The following HSPG2 variants were observed in gnomAD, a reference collection of about 807,000 sequenced individuals.
HSPG2 encodes heparan sulfate proteoglycan 2.
Under a neutral mutation model 526.6 loss-of-function variants are expected in HSPG2, and 278 were observed. That is an observed-to-expected ratio of 0.53 (90% confidence interval 0.48 to 0.58). The LOEUF (loss-of-function observed/expected upper bound fraction) is 0.58, where lower values mean the gene tolerates loss of function less well. Ranked by LOEUF, HSPG2 falls within the 20% of genes least tolerant of loss-of-function variation. HSPG2 has a pLI of 0.00. For missense variants in HSPG2, 5,354 were observed against 6,099.5 expected (o/e 0.88, Z 4.07); for synonymous variants, 2,465 against 2,555.4 (o/e 0.96, Z 1.07).
intron 55 of HSPG2, among the ~76,000 whole-genome samples, chr1:21,850,999 G>T (rs1311033624): frequency 1.4e-5 from 2 of 147,114 alleles, no homozygotes; most frequent in Admixed American, 6.8e-5. Context: ...TTGAGACTGA[G>T]TCTCGCTCTG....
rs1270310322 is a variant in HSPG2 at position 21,846,575 on chromosome 1, C to T, written c.8189G>A (p.Arg2730Lys). Residue 2730 changes from arginine to lysine, a missense_variant, in exon 63 of 97, where the codon AGA (arginine) becomes AAA (lysine). Arg to Lys is a conservative substitution (Grantham distance 26, BLOSUM62 2). Coordinates refer to ENST00000374695, the MANE Select transcript of HSPG2 (RefSeq NM_005529.7). The part of the protein sequence containing the change: ...PSAPGSSMPI[R>K]IESSSSHVAE... ...CACGTGTGAGGAGGATGACTCAATTCTGATGGGCATGGAGCTGCCAGGGGC... is the reference window on the plus strand; with the variant it reads ...CACGTGTGAGGAGGATGACTCAATTTTGATGGGCATGGAGCTGCCAGGGGC... 3 of 1,613,686 alleles carry T rather than the reference C, an allele frequency of 1.9e-6. No homozygotes were observed. The highest frequency in any genetic ancestry group is 2.5e-6 in the Non-Finnish European group (3 of 1,180,038).
In HSPG2 at chr1:21,884,654, A is replaced by G. The variant is rs1237150919; in HGVS notation, c.1528T>C (p.Phe510Leu). Residue 510 changes from phenylalanine (F) to leucine (L), a missense_variant, in exon 13 of 97, where the codon TTC becomes CTC. By Grantham distance (22) the Phe-to-Leu change is conservative. Transcript: ENST00000374695. ...CAGGCGGCGCTGTGCTCCAGGTAGA[A>G]GTGGCCGTCAGGGCAGGGGCCTGCT... Reference protein sequence around the residue: ...PQRGPCPDGHFYLEHSAACLP... With the variant: ...PQRGPCPDGHLYLEHSAACLP... The G allele has an allele frequency of 6.2e-7, 1 of 1,612,140 alleles. No individual in the cohort carries two copies. The highest frequency in any genetic ancestry group is 8.5e-7 in the Non-Finnish European group (1 of 1,179,604).
In HSPG2 at chr1:21,847,794, C is replaced by T. The variant is rs747033866; in HGVS notation, c.7920G>A (p.Thr2640=). The part of the protein sequence containing the change: ...PPIRIESSSP[T]VVEGQTLDLN... ...GATCCAAGGTCTGCCCTTCCACCAC[C>T]GTGGGGGAAGACGACTCGATCCTGA... The change falls in exon 61 of 97, where the codon ACG becomes ACA. Residue 2640 remains threonine (T), a synonymous_variant. Coordinates refer to ENST00000374695, the MANE Select transcript of HSPG2 (RefSeq NM_005529.7). This position sits in a 1 kb window ranked among gnomAD's most constrained non-coding sequence, Gnocchi z 4.1. The T allele has an allele frequency of 1.1e-5, 18 of 1,613,620 alleles. No homozygotes were observed. In the Middle Eastern group the frequency reaches 8.2e-4, roughly 74 times the overall value.
chr1:21,894,287 C>T (rs114539176), intron 3 of HSPG2, among the ~76,000 whole-genome samples: 1,593 of 152,128 alleles, frequency 0.01, 11 homozygotes, highest in Middle Eastern at 0.017. Context: ...GGGTCTGGGA[C>T]TGGGCCAGAG....
At position 21,824,246 on chromosome 1, in the gene HSPG2, C is replaced by A. The variant is rs1177488430; in HGVS notation, c.12816-42G>T. 1.9e-6 allele frequency: 3 copies of A among 1,613,158 alleles called. No homozygotes were observed. Among genetic ancestry groups the A allele is most frequent in the Non-Finnish European group, 2.5e-6 (3 of 1,179,434 alleles). The stretch of plus-strand genomic sequence containing the variant: ...CCAAGAAGTATGAGCTGGGGCAGGA[C>A]CGGGGGGTGGGGTGCTGGGACCAGG... On this transcript the variant is annotated intron_variant, in intron 94 of 96. Coordinates refer to ENST00000374695, the MANE Select transcript of HSPG2 (RefSeq NM_005529.7). The surrounding 1 kb of genome is among the most constrained non-coding windows in gnomAD (Gnocchi z 5.9).
Position 21,857,268 on chromosome 1 carries a change from C to T in HSPG2, c.5394+17G>A. ...AGAAGACAGACTTCCTCCATCCCCA[C>T]TCCCTGACCTGCACACCTTGCTTTT... On this transcript the variant is annotated intron_variant, in intron 43 of 96. Coordinates refer to ENST00000374695, the MANE Select transcript of HSPG2 (RefSeq NM_005529.7). 6.2e-7 allele frequency: 1 copy of T among 1,614,074 alleles called. No individual in the cohort carries two copies. Among genetic ancestry groups the T allele is most frequent in the Middle Eastern group, 1.6e-4 (1 of 6,062 alleles).
Position 21,846,107 on chromosome 1 carries a change from C to A in HSPG2, c.8464+1G>T. On this transcript the variant is annotated splice_donor_variant, in intron 64 of 96. Coordinates refer to ENST00000374695, the MANE Select transcript of HSPG2 (RefSeq NM_005529.7). LOFTEE classifies it high-confidence loss of function. ...TCCCGTCCCACTGCAGGGACCCTCA[C>A]CGGGGACGTGGACAGCACTTGAGCC... 6.2e-7 allele frequency: 1 copy of A among 1,612,440 alleles called. No individual in the cohort carries two copies. The highest frequency in any genetic ancestry group is 8.5e-7 in the Non-Finnish European group (1 of 1,180,030).
intron 17 of HSPG2, 70 bp from the exon 18 acceptor site, chr1:21,879,191 G>A (rs1641321867): frequency 1.9e-6 from 3 of 1,595,334 alleles, no homozygotes; most frequent in South Asian, 1.1e-5. Context: ...GGGGACCTTG[G>A]AGGCTGTCTA....
Position 21,890,783 on chromosome 1 carries a change from G to C in HSPG2, c.245-89C>G. 1 of 977,942 alleles carries C rather than the reference G, an allele frequency of 1.0e-6. No homozygotes were observed. The highest frequency in any genetic ancestry group is 1.6e-6 in the Non-Finnish European group (1 of 622,178). 60.6% of individuals were successfully genotyped at this position (977,942 alleles called of 1,614,324 possible). ...TGGACCATTCAGGCAGAGTTGGGGG[G>C]ATGGCCCCCAGAGGCCTCCCTCGAG... On this transcript the variant is annotated intron_variant, in intron 3 of 96. Transcript: ENST00000374695. The surrounding 1 kb of genome is among the most constrained non-coding windows in gnomAD (Gnocchi z 4.1).
chr1:21,883,023 C>T (rs1641626480), intron 13 of HSPG2, among the ~76,000 whole-genome samples: 1 of 152,176 alleles, frequency 6.6e-6, no homozygotes, highest in African/African-American at 2.4e-5. Context: ...CACAGGCCAC[C>T]TGCTCACCCT....
chr1:21,871,284 G>C (rs1640631337), intron 33 of HSPG2, among the ~76,000 whole-genome samples: 1 of 122,830 alleles, frequency 8.1e-6, no homozygotes, highest in African/African-American at 3.1e-5. Context: ...TTTTGAGACA[G>C]GGTCTTACTC....
chr1:21,859,673 G>A lies in HSPG2; in HGVS notation c.5186C>T (p.Ser1729Phe), dbSNP rs375629596. 4.4e-6 allele frequency: 7 copies of A among 1,606,630 alleles called. No individual in the cohort carries two copies. Among genetic ancestry groups the A allele is most frequent in the Non-Finnish European group, 5.9e-6 (7 of 1,176,852 alleles). ...CTGGACGCTGGGGAAGTGGAGCTCG[G>A]AGCCTGGTGGGGAGGAGACAAGAGC... ...PSGTQQRHQG[S>F]ELHFPSVQPS... The change falls in exon 42 of 97, where the codon TCC becomes TTC. Residue 1729 changes from serine to phenylalanine, a missense_variant. Physicochemically the swap from Ser to Phe is radical, Grantham distance 155. Transcript: ENST00000374695. The surrounding 1 kb of genome is among the most constrained non-coding windows in gnomAD (Gnocchi z 5.3).
In HSPG2 at chr1:21,861,748, C is replaced by T; in HGVS notation, c.4955+9G>A. The stretch of plus-strand genomic sequence containing the variant: ...TCCACCCTCCCCCTACTTCTGTTTA[C>T]AAACTTACTGCTCACAGTACTGGCC... On this transcript the variant is annotated intron_variant, in intron 39 of 96. Coordinates refer to ENST00000374695, the MANE Select transcript of HSPG2 (RefSeq NM_005529.7). 6.2e-7 allele frequency: 1 copy of T among 1,613,756 alleles called. No homozygotes were observed. Among genetic ancestry groups the T allele is most frequent in the African/African-American group, 1.3e-5 (1 of 75,058 alleles).
chr1:21,851,869 C>A lies in HSPG2; in HGVS notation c.6928G>T (p.Val2310Phe). The A allele has an allele frequency of 1.2e-6, 2 of 1,613,002 alleles. No homozygotes were observed. Among genetic ancestry groups the A allele is most frequent in the Non-Finnish European group, 1.7e-6 (2 of 1,179,764 alleles). The change falls in exon 54 of 97, where the codon GTC (valine) becomes TTC (phenylalanine). Residue 2310 changes from valine to phenylalanine, a missense_variant. Val to Phe is a conservative substitution (Grantham distance 50). Transcript: ENST00000374695. ...TCCATGCCGTTGCTGGCCCGGCAGACGTACTGTCCCGCATCGGCAGGTGAG... is the reference window on the plus strand; with the variant it reads ...TCCATGCCGTTGCTGGCCCGGCAGAAGTACTGTCCCGCATCGGCAGGTGAG... ...QASPADAGQY[V>F]CRASNGMEAS...
intron 33 of HSPG2, among the ~76,000 whole-genome samples, chr1:21,869,981 C>T (rs113748934): frequency 1.3e-5 from 2 of 152,212 alleles, no homozygotes; most frequent in East Asian, 1.9e-4. Flanking sequence ...TGTTGCTCCT[C>T]GGCCTGACTC....
At chr1:21,861,685 C>G in intron 39 of HSPG2, 72 bp downstream of exon 39, 2 of 1,373,012 alleles carry the variant, frequency 1.5e-6, no homozygotes, top group Non-Finnish European at 2.1e-6. Context: ...CTGAGCAACA[C>G]CCTTTAAGGC....
chr1:21,874,144 G>T, intron 28 of HSPG2, 133 bp from the exon 29 acceptor site: 1 of 844,292 alleles, frequency 1.2e-6, no homozygotes. Context: ...GCCACTGCAT[G>T]CCTGGCACTG....
intron 77 of HSPG2, among the ~76,000 whole-genome samples, 175 bp from the exon 78 acceptor site, chr1:21,834,100 G>A (rs1160308374): frequency 2.6e-5 from 4 of 152,176 alleles, no homozygotes; most frequent in South Asian, 2.1e-4. Flanking sequence ...GCTCCTGGTC[G>A]GGCAGAGTCA....
In HSPG2 at chr1:21,844,129, C is replaced by T; in HGVS notation, c.8616+19G>A. 1 of 1,612,142 alleles carries T rather than the reference C, an allele frequency of 6.2e-7. No homozygotes were observed. Among genetic ancestry groups the T allele is most frequent in the Non-Finnish European group, 8.5e-7 (1 of 1,179,768 alleles). The stretch of plus-strand genomic sequence containing the variant: ...CTGCAGGTGTGGAGGATGCATGCAT[C>T]CTTCTCCAGCTCCTTTACCTGGTGC... On this transcript the variant is annotated intron_variant, in intron 65 of 96. Transcript: ENST00000374695.
Sources: allele counts gnomAD v4.1 joint callset (sites outside exome capture counted in the v4.1 genomes callset), GRCh38; gene constraint gnomAD v4.1.1; non-coding constraint Gnocchi (gnomAD v3.1); transcripts MANE v1.5; gene names NCBI Gene and HGNC (gene_info 2026-07-23, HGNC 2026-07-21).